The following COPS7B variants were observed in gnomAD, a reference collection of about 807,000 sequenced individuals.
COPS7B encodes COP9 signalosome subunit 7B, also known as COP9 signalosome complex subunit 7b.
COPS7B carries 9 observed loss-of-function variants against 33.4 expected under a neutral mutation model. That is an observed-to-expected ratio of 0.27 (90% CI 0.16 to 0.47). The LOEUF (loss-of-function observed/expected upper bound fraction) is 0.47, where lower values mean the gene tolerates loss of function less well. Among genes scored for constraint, COPS7B ranks in the 20% least tolerant of loss-of-function variants. The pLI, the probability that COPS7B is intolerant of heterozygous loss-of-function variation, is 0.99. For missense variants in COPS7B, 242 were observed against 318.2 expected, an observed-to-expected ratio of 0.76 and a Z score of 1.82; for synonymous variants, 119 against 126.3, an observed-to-expected ratio of 0.94 and a Z score of 0.39.
At position 231,808,121 on chromosome 2, in the gene COPS7B, C is replaced by T. The variant is rs1206375448; in HGVS notation, c.*476C>T. On this transcript the variant is annotated 3_prime_UTR_variant, in exon 7 of 7. Transcript: ENST00000350033. ...GATGGTGCAGTGATTTCTAGCCAGG[C>T]GTCAAGATGCGCTGCTTTCCCTCTC... 2.4e-5 allele frequency: 6 copies of T among 246,406 alleles called. No individual in the cohort carries two copies. The highest frequency in any genetic ancestry group is 1.5e-4 in the East Asian group (1 of 6,832). 15.3% of individuals were successfully genotyped at this position (246,406 alleles called of 1,614,324 possible).
chr2:231,805,049 C>T (rs79039838), intron 6 of COPS7B, among the ~76,000 whole-genome samples: 4,476 of 152,120 alleles, frequency 0.029, 225 homozygotes, highest in African/African-American at 0.1. Context: ...CAAAATATGC[C>T]TTAGCTGGGC....
intron 3 of COPS7B, among the ~76,000 whole-genome samples, chr2:231,792,630 C>T (rs865842820): frequency 5.3e-5 from 8 of 152,066 alleles, no homozygotes; most frequent in African/African-American, 1.7e-4. Flanking sequence ...CTTGTTTCTT[C>T]CCACTTACAA....
rs2049963891 is a variant in COPS7B, at chr2:231,808,647, A to AC, written c.*1003dup. Reference sequence around the variant, plus strand: ...GACTTAACTAGACTTCTGAACTTGAACAGTTTCAGGTTATATTTTAATTTT... The same window carrying AC: ...GACTTAACTAGACTTCTGAACTTGAACCAGTTTCAGGTTATATTTTAATTTT... On this transcript the variant is annotated 3_prime_UTR_variant, in exon 7 of 7. Transcript: ENST00000350033. The AC allele has an allele frequency of 1.3e-5, 5 of 391,056 alleles. No homozygotes were observed. The Admixed American group carries it at 1.9e-4, about 15-fold the overall frequency. The allele number at this position is 391,056 out of a possible 1,614,324, so 24.2% of individuals were successfully genotyped here. A position where few individuals can be genotyped will look rare whatever the true frequency, so the allele number is the denominator to read the frequency against.
chr2:231,781,857 A>G (rs780188300), upstream of COPS7B: 10 of 1,550,996 alleles, frequency 6.4e-6, no homozygotes, highest in South Asian at 7.1e-5. Flanking sequence ...TTCTGTTTAC[A>G]TGGAACTCAG....
chr2:231,794,225 T>A, intron 3 of COPS7B, 38 bp from the exon 4 acceptor site: 1 of 1,561,938 alleles, frequency 6.4e-7, no homozygotes, highest in Non-Finnish European at 8.8e-7. Context: ...CTAATTTTAT[T>A]TTGTGTCTTG....
At chr2:231,783,933 T>C (rs1379871301), upstream of COPS7B, among the ~76,000 whole-genome samples, 1 of 152,194 alleles carries the variant, frequency 6.6e-6, no homozygotes, top group East Asian at 1.9e-4. Flanking sequence ...TTTAACACAG[T>C]GCAATAGTTC....
At chr2:231,791,829 C>T (rs2049425843) in intron 3 of COPS7B, 21 bp downstream of exon 3, 1 of 1,597,172 alleles carries the variant, frequency 6.3e-7, no homozygotes, top group Non-Finnish European at 8.6e-7. Flanking sequence ...GAAGATCCTT[C>T]AAAAGACTTG....
At chr2:231,786,401 G>T (rs1428086457), upstream of COPS7B, 1 of 976,336 alleles carries the variant, frequency 1.0e-6, no homozygotes, top group African/African-American at 1.8e-5. Context: ...GAGGCTTCCG[G>T]GGGAGCTGCA....
intron 6 of COPS7B, chr2:231,801,293 T>C: frequency 2.0e-6 from 3 of 1,533,176 alleles, no homozygotes; most frequent in Non-Finnish European, 2.6e-6. Flanking sequence ...ATTTAGGCTT[T>C]TGTGGAAATA....
In COPS7B at chr2:231,794,327, C is replaced by T. The variant is rs150742456; in HGVS notation, c.303C>T (p.Ile101=). The T allele has an allele frequency of 1.3e-4, 217 of 1,614,044 alleles. No individual in the cohort carries two copies. The highest frequency in any genetic ancestry group is 6.9e-4 in the East Asian group (31 of 44,860). ...AQQNKLKHLT[I]VSLASRMKCI... is the part of the protein sequence containing the mutation. ...AGAACAAGCTGAAGCATCTTACCATCGTGAGCTTGGCATCAAGAATGAAGG... is the reference window on the plus strand; with the variant it reads ...AGAACAAGCTGAAGCATCTTACCATTGTGAGCTTGGCATCAAGAATGAAGG... Residue 101 remains isoleucine (I), a synonymous_variant, in exon 4 of 7, where the codon ATC becomes ATT. Coordinates refer to ENST00000350033, the MANE Select transcript of COPS7B (RefSeq NM_022730.4).
At chr2:231,806,481 C>CAGTT (rs2049897041) in intron 6 of COPS7B, among the ~76,000 whole-genome samples, 1 of 147,382 alleles carries the variant, frequency 6.8e-6, no homozygotes, top group South Asian at 2.1e-4. Flanking sequence ...TAAGCCTGGG[C>CAGTT]AGTTGAGGCT....
intron 6 of COPS7B, among the ~76,000 whole-genome samples, chr2:231,806,420 G>T (rs2049895195): frequency 6.6e-6 from 1 of 152,036 alleles, no homozygotes; most frequent in Non-Finnish European, 1.5e-5. Context: ...AGGCATGGTG[G>T]CAAGCGCCTG....
At chr2:231,806,819 A>G (rs2049907792) in intron 6 of COPS7B, among the ~76,000 whole-genome samples, 1 of 152,250 alleles carries the variant, frequency 6.6e-6, no homozygotes, top group South Asian at 2.1e-4. Context: ...AGGGCTGTTC[A>G]GAGTAGCACT....
At chr2:231,803,811 G>A (rs2049816322) in intron 6 of COPS7B, among the ~76,000 whole-genome samples, 1 of 152,200 alleles carries the variant, frequency 6.6e-6, no homozygotes, top group Non-Finnish European at 1.5e-5. Context: ...GTGGCTCTGT[G>A]AAGGAGAAGC....
chr2:231,789,176 G>A (rs1228966779), intron 2 of COPS7B: 4 of 158,616 alleles, frequency 2.5e-5, no homozygotes, highest in South Asian at 3.6e-4. Flanking sequence ...GAGGAAAAGG[G>A]CAGTGTTGTG....
intron 6 of COPS7B, among the ~76,000 whole-genome samples, chr2:231,802,705 C>T (rs893130531): frequency 3.3e-5 from 5 of 152,222 alleles, no homozygotes; most frequent in Admixed American, 2.6e-4. Context: ...AATTGGTTGA[C>T]CTACCTGGGT....
intron 3 of COPS7B, 133 bp from the exon 4 acceptor site, chr2:231,794,130 C>G: frequency 1.7e-6 from 1 of 589,410 alleles, no homozygotes; most frequent in East Asian, 2.9e-5. Flanking sequence ...GAATATTTGT[C>G]AAATGAATAA....
chr2:231,797,738 A>G (rs1446683746), intron 5 of COPS7B, among the ~76,000 whole-genome samples: 3 of 152,212 alleles, frequency 2.0e-5, no homozygotes, highest in Non-Finnish European at 2.9e-5. Flanking sequence ...AGTGGAGGGT[A>G]TGGGGATATT....
intron 2 of COPS7B, chr2:231,789,614 G>A (rs2049352768): frequency 6.6e-6 from 1 of 152,662 alleles, no homozygotes; most frequent in Admixed American, 6.6e-5. Flanking sequence ...GCTGGATGCT[G>A]TTGAGAGTGG....
Sources: gnomAD v4.1 joint callset for allele counts (sites outside exome capture counted in the v4.1 genomes callset) on GRCh38, gnomAD v4.1.1 for gene constraint, MANE v1.5 for transcripts, NCBI Gene and HGNC (gene_info 2026-07-23, HGNC 2026-07-21) for gene names.